Variants in POLR3G observed in about 807,000 individuals in gnomAD.
The protein encoded by POLR3G is DNA-directed RNA polymerase III subunit RPC7.
A neutral mutation model predicts 30.1 loss-of-function variants in POLR3G; 28 were observed. That is an observed-to-expected ratio of 0.93 (90% CI 0.69 to 1.27). The LOEUF (loss-of-function observed/expected upper bound fraction) is 1.27, where lower values mean the gene tolerates loss of function less well. POLR3G is among the 50% of genes most tolerant of loss of function. The probability of loss-of-function intolerance (pLI) is 0.00; values close to 1 mark genes in which losing one functional copy is unlikely to be tolerated. For missense variants in POLR3G, 254 were observed against 264.6 expected, an observed-to-expected ratio of 0.96 and a Z score of 0.28; for synonymous variants, 79 against 82.5, an observed-to-expected ratio of 0.96 and a Z score of 0.23.
rs1399501104 is a variant in POLR3G, at chr5:90,474,896, T to C, written c.-168T>C. The C allele has an allele frequency of 1.3e-5, 2 of 152,526 alleles. No individual in the cohort carries two copies. Among genetic ancestry groups the C allele is most frequent in the Non-Finnish European group, 2.9e-5 (2 of 68,286 alleles). The allele number at this position is 152,526 out of a possible 1,614,324, so 9.4% of individuals were successfully genotyped here. A position where few individuals can be genotyped will look rare whatever the true frequency, so the allele number is the denominator to read the frequency against. On this transcript the variant is annotated 5_prime_UTR_variant, in exon 1 of 8. Transcript: ENST00000651687. Reference sequence around the variant, plus strand: ...GGTCCTGGTGCCGCGTGCAGGTCGGTGCGCGCTTCTCCCGAGGTGGAACGG... The same window carrying C: ...GGTCCTGGTGCCGCGTGCAGGTCGGCGCGCGCTTCTCCCGAGGTGGAACGG...
intron 1 of POLR3G, among the ~76,000 whole-genome samples, chr5:90,481,065 G>T (rs1751101207): frequency 6.6e-6 from 1 of 152,048 alleles, no homozygotes; most frequent in South Asian, 2.1e-4. Flanking sequence ...ATTGATCCCT[G>T]GTGGAATTCC....
At chr5:90,484,047 A>C (rs566770619) in intron 1 of POLR3G, among the ~76,000 whole-genome samples, 1 of 152,332 alleles carries the variant, frequency 6.6e-6, no homozygotes, top group Admixed American at 6.5e-5. Context: ...CAATACTCTT[A>C]ACATTTGCTG....
At chr5:90,504,786 T>G (rs1431350772) in intron 6 of POLR3G, among the ~76,000 whole-genome samples, 1 of 152,184 alleles carries the variant, frequency 6.6e-6, no homozygotes, top group Non-Finnish European at 1.5e-5. Flanking sequence ...TACCATCAAA[T>G]ATGTGTGTGT....
intron 1 of POLR3G, among the ~76,000 whole-genome samples, chr5:90,480,142 A>G (rs918026838): frequency 2.6e-5 from 4 of 152,246 alleles, no homozygotes; most frequent in Admixed American, 2.0e-4. Context: ...CATATGAAGT[A>G]GAGAAACATT....
At chr5:90,475,113 T>A (rs1453879063) in intron 1 of POLR3G, 93 bp downstream of exon 1, 1 of 151,996 alleles carries the variant, frequency 6.6e-6, no homozygotes, top group Non-Finnish European at 1.5e-5. Flanking sequence ...AAGTCAGGGG[T>A]AGAGATTCAT....
chr5:90,488,137 A>G lies in POLR3G; in HGVS notation c.247+8A>G, dbSNP rs748110560. The G allele has an allele frequency of 2.5e-6, 4 of 1,594,294 alleles. No homozygotes were observed. In the East Asian group the frequency reaches 6.8e-5, roughly 27 times the overall value. ...CACCTGAAGAAAGACAAGGTACTGT[A>G]TTGGAGTCTTTGATTATGTGGCTTA... On this transcript the variant is annotated splice_region_variant and intron_variant, in intron 3 of 7. Coordinates refer to ENST00000651687, the MANE Select transcript of POLR3G (RefSeq NM_006467.3).
At chr5:90,511,844 G>A (rs954140473) in intron 7 of POLR3G, among the ~76,000 whole-genome samples, 2 of 152,148 alleles carry the variant, frequency 1.3e-5, no homozygotes, top group African/African-American at 2.4e-5. Flanking sequence ...TATTGAGATG[G>A]TATGGGCAAC....
chr5:90,481,155 GATC>G (rs556205900), intron 1 of POLR3G, among the ~76,000 whole-genome samples: 102 of 152,210 alleles, frequency 6.7e-4, no homozygotes, highest in Non-Finnish European at 1.3e-3. Context: ...TCTAGATTGT[GATC>G]ATCAGTGACT....
chr5:90,506,126 AG>A (rs2151914325), intron 6 of POLR3G, among the ~76,000 whole-genome samples: 1 of 152,124 alleles, frequency 6.6e-6, no homozygotes, highest in East Asian at 1.9e-4. Context: ...CTACGCAGGA[AG>A]CTCAAGCAGG....
chr5:90,486,186 A>G (rs888786647), intron 2 of POLR3G, among the ~76,000 whole-genome samples: 1 of 152,198 alleles, frequency 6.6e-6, no homozygotes, highest in Non-Finnish European at 1.5e-5. Flanking sequence ...TTTCCATAAT[A>G]TATAATGTTT....
chr5:90,474,291 A>C (rs1198154816), upstream of POLR3G: 2 of 1,612,758 alleles, frequency 1.2e-6, no homozygotes, highest in African/African-American at 1.3e-5. Context: ...GAGCGCCGAC[A>C]TGCTGGGCAG....
At chr5:90,477,627 T>A (rs555697828) in intron 1 of POLR3G, among the ~76,000 whole-genome samples, 2 of 152,324 alleles carry the variant, frequency 1.3e-5, no homozygotes, top group African/African-American at 4.8e-5. Flanking sequence ...GACTTGACTT[T>A]CACTGCCTCC....
At chr5:90,481,135 G>GA (rs1212072233) in intron 1 of POLR3G, among the ~76,000 whole-genome samples, 1 of 152,054 alleles carries the variant, frequency 6.6e-6, no homozygotes, top group Non-Finnish European at 1.5e-5. Flanking sequence ...ATTCATAATG[G>GA]AAAAATTGAT....
At chr5:90,494,928 T>C (rs915296946) in intron 3 of POLR3G, among the ~76,000 whole-genome samples, 1 of 152,212 alleles carries the variant, frequency 6.6e-6, no homozygotes. Flanking sequence ...GAAACTGTTT[T>C]GGAGAAAATT....
At chr5:90,479,071 A>T (rs930764793) in intron 1 of POLR3G, among the ~76,000 whole-genome samples, 3 of 152,162 alleles carry the variant, frequency 2.0e-5, no homozygotes, top group African/African-American at 7.2e-5. Flanking sequence ...TTTGCTCATC[A>T]AATCACAGTG....
intron 4 of POLR3G, among the ~76,000 whole-genome samples, chr5:90,496,258 A>G (rs1751989068): frequency 6.6e-6 from 1 of 151,840 alleles, no homozygotes; most frequent in African/African-American, 2.4e-5. Flanking sequence ...ATGAGCCAAC[A>G]CCCCCCACCC....
chr5:90,480,527 A>G (rs1024542069), intron 1 of POLR3G, among the ~76,000 whole-genome samples: 53 of 152,158 alleles, frequency 3.5e-4, no homozygotes, highest in Middle Eastern at 3.2e-3. Flanking sequence ...TTTAGAGTCA[A>G]TAGAGTTTGT....
At chr5:90,489,820 A>G (rs532689049) in intron 3 of POLR3G, among the ~76,000 whole-genome samples, 6 of 152,260 alleles carry the variant, frequency 3.9e-5, no homozygotes, top group Admixed American at 3.9e-4. Flanking sequence ...AAGTATGTCA[A>G]ATCAGACTGG....
chr5:90,496,252 G>A lies in POLR3G; in HGVS notation c.304+519G>A, dbSNP rs181560004. Among the ~76,000 whole-genome samples the A allele has an allele frequency of 5.3e-5, 8 of 152,278 alleles. No individual in the cohort carries two copies. In the East Asian group the frequency reaches 1.5e-3, roughly 29 times the overall value. On this transcript the variant is annotated intron_variant, in intron 4 of 7. Transcript: ENST00000651687. Reference sequence around the variant, plus strand: ...CAAAGTGCTGGGATTACAGGCATGAGCCAACACCCCCCACCCTTAATATAC... The same window carrying A: ...CAAAGTGCTGGGATTACAGGCATGAACCAACACCCCCCACCCTTAATATAC...
Sources: allele counts gnomAD v4.1 joint callset (sites outside exome capture counted in the v4.1 genomes callset), GRCh38; gene constraint gnomAD v4.1.1; transcripts MANE v1.5; gene names NCBI Gene and HGNC (gene_info 2026-07-23, HGNC 2026-07-21).